SOX13: variants seen among roughly 807,000 people sequenced by gnomAD.
SOX13 encodes transcription factor SOX-13.
SOX13 carries 28 observed loss-of-function variants against 71.8 expected under a neutral mutation model. The ratio of observed to expected loss-of-function variants is 0.39; its 90% CI spans 0.29 to 0.53. The LOEUF is 0.53. SOX13 is among the 20% of genes least tolerant of loss of function. The pLI is 0.70. For missense variants in SOX13, 627 were observed against 810.3 expected (o/e 0.77, Z 2.75); for synonymous variants, 309 against 317.8 (o/e 0.97, Z 0.29).
chr1:204,085,677 TA>T (rs71568017), intron 1 of SOX13, among the ~76,000 whole-genome samples: 30,596 of 143,256 alleles, frequency 0.21, 3,622 homozygotes, highest in East Asian at 0.37. Context: ...AGTGCATATT[TA>T]AAAAAAAAAA....
intron 1 of SOX13, among the ~76,000 whole-genome samples, chr1:204,080,495 G>T (rs569391010): frequency 2.3e-4 from 35 of 152,248 alleles, no homozygotes; most frequent in Admixed American, 9.8e-4. Context: ...CTCCCTGGGG[G>T]ATCCGCCCCA....
In SOX13 at chr1:204,125,475, A is replaced by T. The variant is rs539792605; in HGVS notation, c.1593-383A>T. Among the ~76,000 whole-genome samples, 6 of 152,274 alleles carry T rather than the reference A, an allele frequency of 3.9e-5. No individual in the cohort carries two copies. The East Asian group carries it at 1.2e-3, about 29-fold the overall frequency. On this transcript the variant is annotated intron_variant, in intron 13 of 13. Transcript: ENST00000367204. ...AGGAGGCTGAGGCAGGCTCAGGAGG[A>T]TCACTTGAGCCTGGGAGGCTGACGC...
At chr1:204,083,726 C>A (rs1037978281) in intron 1 of SOX13, among the ~76,000 whole-genome samples, 4 of 152,188 alleles carry the variant, frequency 2.6e-5, no homozygotes, top group African/African-American at 9.7e-5. Context: ...GTCCCTGAGG[C>A]AGGTATGTAG....
At chr1:204,087,625 T>C (rs1380377395) in intron 1 of SOX13, among the ~76,000 whole-genome samples, 1 of 152,234 alleles carries the variant, frequency 6.6e-6, no homozygotes, top group Non-Finnish European at 1.5e-5. Flanking sequence ...GAGCCTTACT[T>C]CCTCCATCTG....
At chr1:204,103,614 A>G (rs1656401990) in intron 1 of SOX13, among the ~76,000 whole-genome samples, 1 of 152,258 alleles carries the variant, frequency 6.6e-6, no homozygotes, top group South Asian at 2.1e-4. Context: ...CTATCCCCCA[A>G]GGGGCCTTTG....
intron 7 of SOX13, 85 bp downstream of exon 7, chr1:204,117,792 A>C (rs964892271): frequency 8.4e-6 from 7 of 829,130 alleles, no homozygotes; most frequent in African/African-American, 1.7e-5. Context: ...CTCATCCATT[A>C]ATTTGCTATG....
At chr1:204,112,406 A>C (rs1656596151) in intron 1 of SOX13, among the ~76,000 whole-genome samples, 1 of 149,716 alleles carries the variant, frequency 6.7e-6, no homozygotes, top group African/African-American at 2.5e-5. Flanking sequence ...GTGCCCTTGC[A>C]CTCCAGCCTA....
intron 1 of SOX13, among the ~76,000 whole-genome samples, chr1:204,100,527 C>A (rs1656339622): frequency 6.6e-6 from 1 of 152,134 alleles, no homozygotes; most frequent in Non-Finnish European, 1.5e-5. Flanking sequence ...TTCTCCCCTT[C>A]CTTCCCTGCC....
intron 1 of SOX13, among the ~76,000 whole-genome samples, chr1:204,108,198 T>C (rs1656510095): frequency 6.6e-6 from 1 of 152,246 alleles, no homozygotes; most frequent in African/African-American, 2.4e-5. Context: ...TGATGTATTT[T>C]ATCTAACCAA....
chr1:204,088,961 G>A (rs1043640196), intron 1 of SOX13, among the ~76,000 whole-genome samples: 3 of 152,250 alleles, frequency 2.0e-5, no homozygotes, highest in Middle Eastern at 3.4e-3. Flanking sequence ...TGGTCCAGAG[G>A]GTGGGAGGAA....
At chr1:204,109,191 T>C (rs571999549) in intron 1 of SOX13, among the ~76,000 whole-genome samples, 1 of 152,338 alleles carries the variant, frequency 6.6e-6, no homozygotes, top group East Asian at 1.9e-4. Context: ...CTTATGGTCA[T>C]GGAGGCCCCT....
At chr1:204,095,813 A>T (rs1340536570) in intron 1 of SOX13, among the ~76,000 whole-genome samples, 3 of 152,186 alleles carry the variant, frequency 2.0e-5, no homozygotes, top group Admixed American at 2.0e-4. Flanking sequence ...GTTCCCATTA[A>T]GCAATAGCGT....
intron 1 of SOX13, among the ~76,000 whole-genome samples, chr1:204,076,932 G>A (rs1335574464): frequency 6.6e-6 from 1 of 152,218 alleles, no homozygotes; most frequent in Non-Finnish European, 1.5e-5. Context: ...TTTCTATTGT[G>A]GGGAGACAGA....
At chr1:204,091,859 G>T (rs73069917) in intron 1 of SOX13, among the ~76,000 whole-genome samples, 1,799 of 152,166 alleles carry the variant, frequency 0.012, 37 homozygotes, top group African/African-American at 0.042. Flanking sequence ...TGGGATCATA[G>T]GCGTGAGCCA....
At chr1:204,076,087 TC>T (rs1655781524) in intron 1 of SOX13, among the ~76,000 whole-genome samples, 3 of 152,324 alleles carry the variant, frequency 2.0e-5, no homozygotes, top group African/African-American at 7.2e-5. Context: ...CTTGTTTCCT[TC>T]CTTTCTCCCT....
chr1:204,114,891 C>T (rs984008768), intron 4 of SOX13, among the ~76,000 whole-genome samples: 1 of 152,256 alleles, frequency 6.6e-6, no homozygotes, highest in East Asian at 1.9e-4. Context: ...TGCCACTTCC[C>T]GAGTCTAACC....
rs561228042 is a variant in SOX13 at position 204,087,173 on chromosome 1, C to T, written c.-2+13462C>T. On this transcript the variant is annotated intron_variant, in intron 1 of 13. Transcript: ENST00000367204. ...TCCTGACCTTGTGATCTGCCCGCCT[C>T]GGCCTCCCAAAATGCTGGGATTACA... Among the ~76,000 whole-genome samples, 6 of 152,344 alleles carry T rather than the reference C, an allele frequency of 3.9e-5. No homozygotes were observed. In the South Asian group the frequency reaches 8.3e-4, roughly 21 times the overall value.
chr1:204,122,023 G>T, intron 8 of SOX13, 38 bp downstream of exon 8: 1 of 1,453,310 alleles, frequency 6.9e-7, no homozygotes, highest in Non-Finnish European at 9.6e-7. Context: ...GCTCCCTCTC[G>T]AGCTTATGAC....
At chr1:204,079,343 ATTT>A (rs746260553) in intron 1 of SOX13, among the ~76,000 whole-genome samples, 21 of 110,806 alleles carry the variant, frequency 1.9e-4, no homozygotes, top group Non-Finnish European at 2.5e-4. Flanking sequence ...AGCATAGAAC[ATTT>A]TTTTTTTTTT....
Sources: allele counts gnomAD v4.1 joint callset (sites outside exome capture counted in the v4.1 genomes callset), GRCh38; gene constraint gnomAD v4.1.1; transcripts MANE v1.5; gene names NCBI Gene and HGNC (gene_info 2026-07-23, HGNC 2026-07-21).